Variants in SATB2 observed in about 807,000 individuals in gnomAD.
SATB2 encodes the protein SATB homeobox 2.
A neutral mutation model predicts 73.4 loss-of-function variants in SATB2; 1 was observed. The observed-to-expected ratio is 0.01, with a 90% confidence interval of 0.00 to 0.06. The LOEUF is 0.06. SATB2 is among the 10% of genes least tolerant of loss of function. The pLI is 1.00. For missense variants in SATB2, 459 were observed against 945.8 expected (o/e 0.49, Z 6.75); for synonymous variants, 397 against 367.0 (o/e 1.08, Z -0.93).
chr2:199,447,228 G>A (rs969542767), intron 2 of SATB2, among the ~76,000 whole-genome samples: 1 of 152,186 alleles, frequency 6.6e-6, no homozygotes, highest in African/African-American at 2.4e-5. Flanking sequence ...CGGAGTTGCT[G>A]AAAGCATAGC....
At chr2:199,303,688 T>A (rs1332380867) in intron 10 of SATB2, among the ~76,000 whole-genome samples, 1 of 152,034 alleles carries the variant, frequency 6.6e-6, no homozygotes, top group South Asian at 2.1e-4. Context: ...AAATATCCCA[T>A]GGAAGCAAAA....
upstream of SATB2, among the ~76,000 whole-genome samples, chr2:199,465,892 A>G (rs1692584142): frequency 6.6e-6 from 1 of 152,234 alleles, no homozygotes; most frequent in Non-Finnish European, 1.5e-5. Flanking sequence ...ATAGTAAAGG[A>G]AAAGAAATGG....
At chr2:199,285,051 G>C (rs1692645354) in intron 10 of SATB2, among the ~76,000 whole-genome samples, 1 of 151,920 alleles carries the variant, frequency 6.6e-6, no homozygotes, top group Non-Finnish European at 1.5e-5. Context: ...GGATACAAGG[G>C]GATGACTGTG....
At chr2:199,354,434 C>T (rs73986410) in intron 6 of SATB2, among the ~76,000 whole-genome samples, 4 of 152,256 alleles carry the variant, frequency 2.6e-5, no homozygotes, top group African/African-American at 9.6e-5. Context: ...TCACAGTGAA[C>T]TTGATTCTAC....
intron 7 of SATB2, chr2:199,347,914 A>C (rs1688702402): frequency 6.6e-6 from 1 of 152,174 alleles, no homozygotes; most frequent in Non-Finnish European, 1.5e-5. Flanking sequence ...CTTGTTAGAA[A>C]TGTCCATTTC....
chr2:199,276,927 CAAT>C (rs1295154976), intron 10 of SATB2, among the ~76,000 whole-genome samples: 4 of 152,086 alleles, frequency 2.6e-5, no homozygotes, highest in Non-Finnish European at 4.4e-5. Flanking sequence ...AAGTGTCTAC[CAAT>C]AATAAGATCG....
chr2:199,379,521 G>T (rs1175961883), intron 5 of SATB2, among the ~76,000 whole-genome samples: 5 of 152,092 alleles, frequency 3.3e-5, no homozygotes, highest in Non-Finnish European at 5.9e-5. Context: ...TAGCATCTCA[G>T]CCTGCCACTT....
chr2:199,457,059 C>G lies in SATB2; in HGVS notation c.-60+280G>C, dbSNP rs917334474. On this transcript the variant is annotated intron_variant, in intron 1 of 10. Transcript: ENST00000417098. This position sits in a 1 kb window ranked among gnomAD's most constrained non-coding sequence, Gnocchi z 4.8. ...ACACCCGCAAGAAGCAAGACCCCGGCACCGTACTGCGTGCGCGCTGGGAAT... is the reference window on the plus strand; with the variant it reads ...ACACCCGCAAGAAGCAAGACCCCGGGACCGTACTGCGTGCGCGCTGGGAAT... Among the ~76,000 whole-genome samples, 2 of 152,150 alleles carry G rather than the reference C, an allele frequency of 1.3e-5. No individual in the cohort carries two copies. The highest frequency in any genetic ancestry group is 4.8e-5 in the African/African-American group (2 of 41,456).
rs934860458 is a variant in SATB2 at position 199,463,166 on chromosome 2, C to G, written c.-141+1670G>C. ...CCCTACCACACCAGGCAACGCCCCC[C>G]GGGGCGCCCTTCATTCTTTTGCAGA... is the stretch of plus-strand genomic sequence containing the variant. On this transcript the variant is annotated intron_variant, in intron 1 of 11. Transcript: ENST00000260926. The surrounding 1 kb of genome is among the most constrained non-coding windows in gnomAD (Gnocchi z 6.4). Among the ~76,000 whole-genome samples, 9 of 152,176 alleles carry G rather than the reference C, an allele frequency of 5.9e-5. No individual in the cohort carries two copies. The highest frequency in any genetic ancestry group is 2.2e-4 in the African/African-American group (9 of 41,464).
chr2:199,456,213 C>T (rs897227625), intron 1 of SATB2, 117 bp from the exon 2 acceptor site: 6 of 703,764 alleles, frequency 8.5e-6, no homozygotes, highest in Admixed American at 4.5e-5. Context: ...CACAAACTTC[C>T]TCCCACGCTG....
chr2:199,454,100 C>T (rs574552646), intron 2 of SATB2, among the ~76,000 whole-genome samples: 1 of 152,086 alleles, frequency 6.6e-6, no homozygotes, highest in South Asian at 2.1e-4. Context: ...GAAAACCAAC[C>T]ACTATTTAAC....
intron 7 of SATB2, among the ~76,000 whole-genome samples, chr2:199,333,620 G>T (rs574715310): frequency 1.8e-4 from 28 of 152,034 alleles, no homozygotes; most frequent in Admixed American, 1.8e-3. Context: ...AGTGGTAGAA[G>T]ATATTTTGAA....
At chr2:199,314,233 A>G (rs955509251) in intron 9 of SATB2, among the ~76,000 whole-genome samples, 3 of 152,208 alleles carry the variant, frequency 2.0e-5, no homozygotes, top group African/African-American at 4.8e-5. Flanking sequence ...AGAGCAGAGT[A>G]TGGTTTCTTG....
upstream of SATB2, among the ~76,000 whole-genome samples, chr2:199,459,213 G>C (rs1692401092): frequency 6.6e-6 from 1 of 152,036 alleles, no homozygotes; most frequent in African/African-American, 2.4e-5. The surrounding 1 kb of genome is among the most constrained non-coding windows in gnomAD (Gnocchi z 4.2). Flanking sequence ...GGCGCCAACA[G>C]AGCTGTGCCC....
At chr2:199,427,664 A>G (rs1202238252) in intron 3 of SATB2, among the ~76,000 whole-genome samples, 1 of 151,670 alleles carries the variant, frequency 6.6e-6, no homozygotes, top group African/African-American at 2.4e-5. Flanking sequence ...ATGAATTTCT[A>G]ATTGTTGATC....
chr2:199,337,510 G>T (rs1688369487), intron 7 of SATB2, among the ~76,000 whole-genome samples: 1 of 152,150 alleles, frequency 6.6e-6, no homozygotes, highest in Admixed American at 6.5e-5. Context: ...GTTCCATGAA[G>T]GATTTTTTTC....
intron 3 of SATB2, among the ~76,000 whole-genome samples, chr2:199,409,217 T>TAA: frequency 1.6e-5 from 1 of 62,168 alleles, no homozygotes; most frequent in Non-Finnish European, 5.6e-5. Context: ...TTGTGCAGGC[T>TAA]AGAGTACAAT....
chr2:199,469,768 G>T (rs1455563146), upstream of SATB2: 4 of 152,390 alleles, frequency 2.6e-5, no homozygotes, highest in Non-Finnish European at 4.4e-5. Flanking sequence ...AGCAACTTCA[G>T]AAATAAACAC....
chr2:199,392,792 CA>C (rs1414771126), intron 3 of SATB2, among the ~76,000 whole-genome samples: 3 of 152,062 alleles, frequency 2.0e-5, no homozygotes, highest in Admixed American at 2.0e-4. Flanking sequence ...ATGGTAATTA[CA>C]ATAAAATAAC....
Sources: gnomAD v4.1 joint callset for allele counts (sites outside exome capture counted in the v4.1 genomes callset) on GRCh38, gnomAD v4.1.1 for gene constraint, Gnocchi (gnomAD v3.1) non-coding constraint, MANE v1.5 for transcripts, NCBI Gene and HGNC (gene_info 2026-07-23, HGNC 2026-07-21) for gene names.